SLC15A1: variants seen among roughly 807,000 people sequenced by gnomAD.
SLC15A1 encodes solute carrier family 15 member 1, also known as Caco-2 oligopeptide transporter.
In SLC15A1, 83 loss-of-function variants were observed where a neutral mutation model predicts 92.9. The observed-to-expected ratio is 0.89, with a 90% confidence interval of 0.75 to 1.07. SLC15A1 has a LOEUF of 1.07. SLC15A1 is among the 50% of genes least tolerant of loss of function. The probability of loss-of-function intolerance (pLI) is 0.00; values close to 1 mark genes in which losing one functional copy is unlikely to be tolerated. For synonymous variants in SLC15A1, 322 were observed against 318.2 expected (o/e 1.01, Z -0.13); for missense variants, 857 against 880.1 (o/e 0.97, Z 0.33).
At chr13:98,746,951 C>G (rs140780381) in intron 1 of SLC15A1, among the ~76,000 whole-genome samples, 53 of 152,302 alleles carry the variant, frequency 3.5e-4, no homozygotes, top group Non-Finnish European at 6.8e-4. Flanking sequence ...AACGGCTGAG[C>G]CTGTGCTTTA....
chr13:98,742,552 T>C (rs1434612905), intron 1 of SLC15A1, among the ~76,000 whole-genome samples: 1 of 152,164 alleles, frequency 6.6e-6, no homozygotes, highest in African/African-American at 2.4e-5. Flanking sequence ...ATGTGGCCTT[T>C]CACAGTTCTG....
At chr13:98,686,416 G>A (rs558771400) in intron 21 of SLC15A1, 119 bp from the exon 22 acceptor site, 1 of 689,884 alleles carries the variant, frequency 1.4e-6, no homozygotes, top group Admixed American at 2.2e-5. Context: ...CGAAAAGTCA[G>A]GTGGCCTCAA....
chr13:98,686,176 C>G lies in SLC15A1; in HGVS notation c.1935+14G>C. On this transcript the variant is annotated intron_variant, in intron 22 of 22. Transcript: ENST00000376503. Reference sequence around the variant, plus strand: ...AAGACAGAGGTATGTGCAATCTCCTCTCCCACGCCATACCTGTTTGCTGAA... The same window carrying G: ...AAGACAGAGGTATGTGCAATCTCCTGTCCCACGCCATACCTGTTTGCTGAA... 4 of 1,592,110 alleles carry G rather than the reference C, an allele frequency of 2.5e-6. No homozygotes were observed. Among genetic ancestry groups the G allele is most frequent in the Non-Finnish European group, 3.4e-6 (4 of 1,160,954 alleles).
chr13:98,712,313 C>G (rs752266276), intron 10 of SLC15A1, among the ~76,000 whole-genome samples, 185 bp downstream of exon 10: 21 of 151,946 alleles, frequency 1.4e-4, no homozygotes, highest in Non-Finnish European at 2.6e-4. Context: ...ATATTATTTC[C>G]AGATCTATTT....
Position 98,743,248 on chromosome 13 carries a change from T to C in SLC15A1, c.4+9347A>G, listed in dbSNP as rs548109678. ...TATGCATTTTGGGGGATAAATAATTTGCCCACAATAGTCACAACTTACTGA... is the reference window on the plus strand; with the variant it reads ...TATGCATTTTGGGGGATAAATAATTCGCCCACAATAGTCACAACTTACTGA... On this transcript the variant is annotated intron_variant, in intron 1 of 22. Transcript: ENST00000376503. 5.1e-4 allele frequency among the ~76,000 whole-genome samples: 78 copies of C among 152,336 alleles called. 1 individual carries two copies. Among genetic ancestry groups the C allele is most frequent in the African/African-American group, 1.4e-3 (59 of 41,576 alleles).
At chr13:98,732,750 C>T (rs1442594807) in intron 1 of SLC15A1, among the ~76,000 whole-genome samples, 1 of 152,086 alleles carries the variant, frequency 6.6e-6, no homozygotes, top group Non-Finnish European at 1.5e-5. Context: ...CCCTTTCAGG[C>T]AGAGAGATAA....
At chr13:98,752,315 G>T (rs1008173525) in intron 1 of SLC15A1, among the ~76,000 whole-genome samples, 1 of 152,182 alleles carries the variant, frequency 6.6e-6, no homozygotes, top group African/African-American at 2.4e-5. Flanking sequence ...CGCAGGGTGG[G>T]AATACGAGGA....
chr13:98,704,315 C>G lies in SLC15A1; in HGVS notation c.1390G>C (p.Val464Leu), dbSNP rs1168491777. ...FKQGQRHTLL[V>L]WAPNHYQVVK... ...ACCTGGTAGTGATTGGGGGCCCACA[C>G]TAGAAGCGTGTGGCGTTGGCCCTGC... is the stretch of plus-strand genomic sequence containing the variant. Residue 464 changes from valine (V) to leucine (L), a missense_variant, in exon 17 of 23, where the codon GTG (valine) becomes CTG (leucine). Coordinates refer to ENST00000376503, the MANE Select transcript of SLC15A1 (RefSeq NM_005073.4). 1 of 1,612,954 alleles carries G rather than the reference C, an allele frequency of 6.2e-7. No individual in the cohort carries two copies. The highest frequency in any genetic ancestry group is 2.2e-5 in the East Asian group (1 of 44,820).
rs894710654 is a variant in SLC15A1, at chr13:98,726,281, G to C, written c.104-17C>G. On this transcript the variant is annotated splice_polypyrimidine_tract_variant and intron_variant, in intron 3 of 22. Coordinates refer to ENST00000376503, the MANE Select transcript of SLC15A1 (RefSeq NM_005073.4). ...TCAGGATTGCTTTTGCAGAGGGCAG[G>C]TGGAAGAGGAGGGGGAAACAAAGTT... 4 of 1,613,944 alleles carry C rather than the reference G, an allele frequency of 2.5e-6. No homozygotes were observed. The highest frequency in any genetic ancestry group is 3.4e-6 in the Non-Finnish European group (4 of 1,180,014).
At chr13:98,690,880 C>T (rs1306256910) in intron 18 of SLC15A1, among the ~76,000 whole-genome samples, 2 of 152,126 alleles carry the variant, frequency 1.3e-5, no homozygotes, top group Admixed American at 6.6e-5. Flanking sequence ...TTCGTTCCTC[C>T]CTGGCCCCCT....
chr13:98,698,285 G>A (rs1593983469), intron 18 of SLC15A1, among the ~76,000 whole-genome samples: 1 of 152,162 alleles, frequency 6.6e-6, no homozygotes, highest in East Asian at 1.9e-4. Context: ...TGTAAATCCT[G>A]TTTATGGATC....
intron 17 of SLC15A1, among the ~76,000 whole-genome samples, chr13:98,703,939 G>A (rs748191107): frequency 1.9e-4 from 29 of 152,162 alleles, no homozygotes; most frequent in Non-Finnish European, 3.8e-4. Flanking sequence ...TAAATTCAGT[G>A]CAATTAATTA....
intron 1 of SLC15A1, among the ~76,000 whole-genome samples, chr13:98,737,053 T>C (rs2088400729): frequency 6.6e-6 from 1 of 152,248 alleles, no homozygotes; most frequent in Non-Finnish European, 1.5e-5. Context: ...CGTATGTTTA[T>C]TGTGGCACTA....
intron 8 of SLC15A1, 51 bp from the exon 9 acceptor site, chr13:98,716,011 T>C (rs1264009533): frequency 1.3e-6 from 2 of 1,485,564 alleles, no homozygotes; most frequent in Admixed American, 3.3e-5. Flanking sequence ...CCGAGCGCCC[T>C]GTGGCCTAGA....
At chr13:98,688,610 A>T in intron 18 of SLC15A1, 33 bp from the exon 19 acceptor site, 3 of 1,486,780 alleles carry the variant, frequency 2.0e-6, no homozygotes, top group Non-Finnish European at 2.8e-6. Flanking sequence ...TTGTAACTGA[A>T]CTAGAGAATA....
chr13:98,694,696 T>C (rs1305314821), intron 18 of SLC15A1, among the ~76,000 whole-genome samples: 1 of 152,210 alleles, frequency 6.6e-6, no homozygotes, highest in East Asian at 1.9e-4. Flanking sequence ...AGTATATCCA[T>C]GTAATAGAAT....
intron 1 of SLC15A1, among the ~76,000 whole-genome samples, chr13:98,739,702 T>A (rs2088427163): frequency 6.6e-6 from 1 of 152,232 alleles, no homozygotes; most frequent in Non-Finnish European, 1.5e-5. Flanking sequence ...CATAAGCCAA[T>A]TAAACCTTCT....
chr13:98,751,934 T>C (rs1018238799), intron 1 of SLC15A1, among the ~76,000 whole-genome samples: 1 of 152,198 alleles, frequency 6.6e-6, no homozygotes, highest in African/African-American at 2.4e-5. Context: ...TGGCTCTGCT[T>C]CCGTTCATTC....
intron 1 of SLC15A1, among the ~76,000 whole-genome samples, chr13:98,744,474 G>T (rs1485356189): frequency 2.0e-5 from 3 of 151,768 alleles, no homozygotes; most frequent in East Asian, 3.9e-4. Context: ...GGCAAAGCCG[G>T]GTGCGGTGGC....
Sources: allele counts gnomAD v4.1 joint callset (sites outside exome capture counted in the v4.1 genomes callset), GRCh38; gene constraint gnomAD v4.1.1; transcripts MANE v1.5; gene names NCBI Gene and HGNC (gene_info 2026-07-23, HGNC 2026-07-21).